Variants in TBCK observed in about 807,000 individuals in gnomAD.
TBCK encodes TBC domain-containing protein kinase-like protein.
In TBCK, 99 loss-of-function variants were observed where a neutral mutation model predicts 113.4. The ratio of observed to expected loss-of-function variants is 0.87; its 90% confidence interval spans 0.74 to 1.03. The LOEUF (loss-of-function observed/expected upper bound fraction) is 1.03, where lower values mean the gene tolerates loss of function less well. Ranked by LOEUF, TBCK falls within the 50% of genes least tolerant of loss-of-function variation. TBCK has a pLI of 0.00. For missense variants in TBCK, 1,045 were observed against 1,061.3 expected (o/e 0.98, Z 0.21); for synonymous variants, 369 against 370.8 (o/e 1.00, Z 0.05).
At chr4:106,291,575 C>T (rs76667502) in intron 3 of TBCK, among the ~76,000 whole-genome samples, 60 of 152,234 alleles carry the variant, frequency 3.9e-4, no homozygotes, top group South Asian at 3.9e-3. Flanking sequence ...GACAAGTCTT[C>T]GCAGTTTTTC....
At chr4:106,314,062 C>T (rs1046170837) in intron 1 of TBCK, among the ~76,000 whole-genome samples, 1 of 152,066 alleles carries the variant, frequency 6.6e-6, no homozygotes, top group African/African-American at 2.4e-5. Flanking sequence ...ACTATAAAGC[C>T]ATAATACTGT....
At chr4:106,187,652 G>T (rs933740400) in intron 22 of TBCK, among the ~76,000 whole-genome samples, 29 of 152,144 alleles carry the variant, frequency 1.9e-4, no homozygotes, top group African/African-American at 7.0e-4. Flanking sequence ...CTGACCTTGT[G>T]ATCTGCCCAC....
intron 19 of TBCK, among the ~76,000 whole-genome samples, chr4:106,224,819 C>G (rs1176017983): frequency 1.2e-4 from 19 of 152,134 alleles, no homozygotes; most frequent in Admixed American, 1.2e-3. Flanking sequence ...AATGTCTTTA[C>G]CTATTCTCAC....
intron 23 of TBCK, among the ~76,000 whole-genome samples, chr4:106,125,950 A>T: frequency 6.6e-6 from 1 of 152,370 alleles, no homozygotes; most frequent in Non-Finnish European, 1.5e-5. Context: ...GTAAATCTAT[A>T]TAAAGTATTT....
intron 23 of TBCK, among the ~76,000 whole-genome samples, chr4:106,162,045 C>T (rs112051284): frequency 3.9e-5 from 6 of 152,120 alleles, no homozygotes; most frequent in East Asian, 1.9e-4. Context: ...CTTCTACCTA[C>T]GAGACTGTAA....
At chr4:106,084,292 CAT>C (rs1739244396) in intron 25 of TBCK, among the ~76,000 whole-genome samples, 2 of 152,086 alleles carry the variant, frequency 1.3e-5, no homozygotes, top group African/African-American at 4.8e-5. Flanking sequence ...GTGAAGAATA[CAT>C]GAGTATCAAC....
intron 5 of TBCK, 139 bp from the exon 6 acceptor site, chr4:106,252,146 T>C: frequency 1.6e-6 from 1 of 617,790 alleles, no homozygotes; most frequent in Non-Finnish European, 2.6e-6. Context: ...CATTCTAAAC[T>C]AACCATCATA....
chr4:106,103,128 A>G (rs1741740484), intron 24 of TBCK, among the ~76,000 whole-genome samples: 1 of 152,196 alleles, frequency 6.6e-6, no homozygotes, highest in Non-Finnish European at 1.5e-5. Context: ...ATTATAAATT[A>G]AGTCAATATA....
intron 1 of TBCK, 147 bp from the exon 2 acceptor site, chr4:106,309,136 C>G (rs1360345306): frequency 3.9e-6 from 2 of 517,208 alleles, no homozygotes; most frequent in African/African-American, 3.9e-5. Flanking sequence ...TCTAAAATAT[C>G]AGAGGACAAA....
At chr4:106,173,263 TA>T (rs1483910221) in intron 22 of TBCK, among the ~76,000 whole-genome samples, 2 of 152,102 alleles carry the variant, frequency 1.3e-5, no homozygotes, top group Admixed American at 6.6e-5. Context: ...AAACACAAAC[TA>T]GAAGAAAAAT....
chr4:106,132,096 A>C (rs1026523952), intron 23 of TBCK, among the ~76,000 whole-genome samples: 3 of 152,248 alleles, frequency 2.0e-5, no homozygotes, highest in African/African-American at 7.2e-5. Context: ...TTTTCTGGGA[A>C]GAAATTCAAG....
chr4:106,057,904 C>T (rs949456354), intron 25 of TBCK, among the ~76,000 whole-genome samples: 1 of 151,698 alleles, frequency 6.6e-6, no homozygotes, highest in Non-Finnish European at 1.5e-5. Flanking sequence ...TTTTTCATTT[C>T]TCTTGCCTCA....
At chr4:106,124,998 TAA>T (rs112091698) in intron 23 of TBCK, among the ~76,000 whole-genome samples, 24,597 of 105,800 alleles carry the variant, frequency 0.23, 1,979 homozygotes, top group South Asian at 0.32. Context: ...ACTTAAAGTA[TAA>T]AAAAAAAAAA....
At chr4:106,264,271 T>C (rs1227448388) in intron 3 of TBCK, among the ~76,000 whole-genome samples, 6 of 151,918 alleles carry the variant, frequency 3.9e-5, no homozygotes, top group Non-Finnish European at 7.4e-5. Context: ...GGAAGACAGA[T>C]AATGTGGTCA....
At position 106,312,672 on chromosome 4, in the gene TBCK, A is replaced by C. The variant is rs374418566; in HGVS notation, c.-30+3259T>G. On this transcript the variant is annotated intron_variant, in intron 1 of 25. Coordinates refer to ENST00000394708, the MANE Select transcript of TBCK (RefSeq NM_001163435.3). ...GTATGTTCATAGGAACTGTACTCTTAATAGCTAAAAACCAGAAGCAATGCA... is the reference window on the plus strand; with the variant it reads ...GTATGTTCATAGGAACTGTACTCTTCATAGCTAAAAACCAGAAGCAATGCA... 2.3e-4 allele frequency among the ~76,000 whole-genome samples: 35 copies of C among 152,322 alleles called. 2 individuals carry two copies. The South Asian group carries it at 6.8e-3, about 30-fold the overall frequency.
At chr4:106,129,919 C>T (rs767528778) in intron 23 of TBCK, among the ~76,000 whole-genome samples, 1 of 152,124 alleles carries the variant, frequency 6.6e-6, no homozygotes, top group Non-Finnish European at 1.5e-5. Context: ...GTATTCATTC[C>T]CCTAGTATAT....
chr4:106,151,823 A>C (rs768830422), intron 23 of TBCK, among the ~76,000 whole-genome samples: 12 of 151,720 alleles, frequency 7.9e-5, no homozygotes, highest in Non-Finnish European at 1.3e-4. Flanking sequence ...TTAATTCCTA[A>C]GTATTTTGTT....
chr4:106,296,780 G>T (rs1766355873), intron 2 of TBCK, among the ~76,000 whole-genome samples: 1 of 151,636 alleles, frequency 6.6e-6, no homozygotes, highest in South Asian at 2.1e-4. Flanking sequence ...AGAGAGAGGT[G>T]AGCAGGAATA....
chr4:106,179,115 TTTTA>T (rs1752029908), intron 22 of TBCK, among the ~76,000 whole-genome samples: 1 of 152,016 alleles, frequency 6.6e-6, no homozygotes, highest in Admixed American at 6.6e-5. Flanking sequence ...TTACATAAGA[TTTTA>T]TTTATTTGGG....
Sources: gnomAD v4.1 joint callset for allele counts (sites outside exome capture counted in the v4.1 genomes callset) on GRCh38, gnomAD v4.1.1 for gene constraint, MANE v1.5 for transcripts, NCBI Gene and HGNC (gene_info 2026-07-23, HGNC 2026-07-21) for gene names.